The following P2RX4 variants were observed in gnomAD, a reference collection of about 807,000 sequenced individuals.
The protein encoded by P2RX4 is P2X purinoceptor 4.
A neutral mutation model predicts 48.0 loss-of-function variants in P2RX4; 37 were observed. The ratio of observed to expected loss-of-function variants is 0.77; its 90% confidence interval spans 0.59 to 1.01. The LOEUF is 1.01. Among genes scored for constraint, P2RX4 ranks in the 50% least tolerant of loss-of-function variants. The pLI is 0.00. For missense variants in P2RX4, 501 were observed against 521.4 expected, an observed-to-expected ratio of 0.96 and a Z score of 0.38; for synonymous variants, 200 against 199.7, an observed-to-expected ratio of 1.00 and a Z score of -0.01.
At position 121,232,004 on chromosome 12, in the gene P2RX4, CAAAA is replaced by C. The variant is rs34995184; in HGVS notation, c.885-394_885-391del. On this transcript the variant is annotated intron_variant, in intron 8 of 11. Coordinates refer to ENST00000337233, the MANE Select transcript of P2RX4 (RefSeq NM_002560.3). The surrounding 1 kb of genome is among the most constrained non-coding windows in gnomAD (Gnocchi z 4.3). ...CTGGCAACAGAGGGAGACTCCATCT[CAAAA>C]AAAAAAAAAAAAAAAGTCCCTGCAC... is the stretch of plus-strand genomic sequence containing the variant. Among the ~76,000 whole-genome samples, 2 of 94,454 alleles carry C rather than the reference CAAAA, an allele frequency of 2.1e-5. No individual in the cohort carries two copies. The highest frequency in any genetic ancestry group is 4.3e-5 in the African/African-American group (1 of 23,260). 62.0% of individuals were successfully genotyped at this position (94,454 alleles called of 152,430 possible). A position where few individuals can be genotyped will look rare whatever the true frequency, so the allele number is the denominator to read the frequency against.
chr12:121,216,832 AAG>A lies in P2RX4; in HGVS notation c.135-298_135-297del, dbSNP rs1886256426. On this transcript the variant is annotated intron_variant, in intron 1 of 11. Transcript: ENST00000337233. The stretch of plus-strand genomic sequence containing the variant: ...CGAAACATCGTCTCAAAAAAAAAAA[AAG>A]AGAAAATGCTCAAATGTAATAAAGA... 5 of 636,568 alleles carry A rather than the reference AAG, an allele frequency of 7.9e-6. No homozygotes were observed. In the East Asian group the frequency reaches 1.1e-4, roughly 14 times the overall value. The allele number at this position is 636,568 out of a possible 1,614,324, so 39.4% of individuals were successfully genotyped here. A position where few individuals can be genotyped will look rare whatever the true frequency, so the allele number is the denominator to read the frequency against.
intron 1 of P2RX4, 64 bp downstream of exon 1, chr12:121,210,362 C>T (rs1885744478): frequency 7.2e-7 from 1 of 1,386,608 alleles, no homozygotes; most frequent in Non-Finnish European, 9.3e-7. Context: ...CGTGCGGCGG[C>T]TCATCCTGGC....
At chr12:121,212,840 T>TTTTTTTTG in intron 1 of P2RX4, 1 of 131,360 alleles carries the variant, frequency 7.6e-6, no homozygotes, top group Non-Finnish European at 1.6e-5. Context: ...TTTTTTTTTT[T>TTTTTTTTG]GGAGACTCAC....
chr12:121,227,630 G>A (rs992383047), intron 5 of P2RX4, among the ~76,000 whole-genome samples: 3 of 152,204 alleles, frequency 2.0e-5, no homozygotes, highest in African/African-American at 7.2e-5. Context: ...CACCGCCTTG[G>A]GGGAGAGGGC....
In P2RX4 at chr12:121,233,062, G is replaced by T; in HGVS notation, c.1110G>T (p.Lys370Asn). 1.2e-6 allele frequency: 2 copies of T among 1,613,178 alleles called. No homozygotes were observed. The highest frequency in any genetic ancestry group is 1.7e-6 in the Non-Finnish European group (2 of 1,179,252). ...AGAAAAGACTCTACTATCGGGAGAA[G>T]AAATATAAATATGTGGAAGATTACG... is the stretch of plus-strand genomic sequence containing the variant. ...CMKKRLYYRE[K>N]KYKYVEDYEQ... The change falls in exon 11 of 12, where the codon AAG (lysine) becomes AAT (asparagine). Residue 370 changes from lysine to asparagine, a missense_variant. Coordinates refer to ENST00000337233, the MANE Select transcript of P2RX4 (RefSeq NM_002560.3).
At chr12:121,224,763 G>A (rs1291181434) in intron 5 of P2RX4, among the ~76,000 whole-genome samples, 1 of 152,052 alleles carries the variant, frequency 6.6e-6, no homozygotes, top group Non-Finnish European at 1.5e-5. Context: ...GCAGCCTAGG[G>A]CCTTTCTCAC....
chr12:121,214,708 A>G (rs1886108279), intron 1 of P2RX4: 1 of 152,270 alleles, frequency 6.6e-6, no homozygotes, highest in Non-Finnish European at 1.5e-5. Flanking sequence ...ATGGGGGGAA[A>G]GCCCATCTCT....
Position 121,222,165 on chromosome 12 carries a change from C to T in P2RX4, c.426C>T (p.Asn142=), listed in dbSNP as rs757649990. The change falls in exon 4 of 12, where the codon AAC becomes AAT. Residue 142 remains asparagine, a splice_region_variant and synonymous_variant. Transcript: ENST00000337233. ...CTAGSAGTHS[N]GVSTGRCVAF... is the part of the protein sequence containing the mutation. ...CCGGCTCTGCCGGCACCCACAGCAA[C>T]GGTACGAGCTTGTGGCCTCCTGGGG... 2.4e-5 allele frequency: 39 copies of T among 1,609,094 alleles called. No individual in the cohort carries two copies. Among genetic ancestry groups the T allele is most frequent in the Middle Eastern group, 1.7e-4 (1 of 6,052 alleles).
intron 1 of P2RX4, chr12:121,214,215 T>C (rs552787315): frequency 2.6e-5 from 4 of 151,922 alleles, no homozygotes; most frequent in African/African-American, 9.6e-5. Flanking sequence ...AAAAAAAATA[T>C]GTGGCTCGCG....
intron 2 of P2RX4, among the ~76,000 whole-genome samples, chr12:121,217,697 G>A (rs985505437): frequency 2.0e-5 from 3 of 150,516 alleles, no homozygotes; most frequent in African/African-American, 4.9e-5. Context: ...AGGCTGGGGC[G>A]GGCAGATACC....
At chr12:121,218,260 G>A (rs1007173207) in intron 2 of P2RX4, among the ~76,000 whole-genome samples, 3 of 152,128 alleles carry the variant, frequency 2.0e-5, no homozygotes, top group Admixed American at 6.5e-5. Flanking sequence ...GGCCGAGGTC[G>A]GTGTATCATG....
chr12:121,219,615 G>GGATGGATGGATGGATA (rs1341119480), intron 2 of P2RX4, among the ~76,000 whole-genome samples: 74 of 140,630 alleles, frequency 5.3e-4, no homozygotes, highest in African/African-American at 1.5e-3. Context: ...ATGGATGGAT[G>GGATGGATGGATGGATA]GATAGATAGA....
intron 2 of P2RX4, among the ~76,000 whole-genome samples, chr12:121,219,601 ATGGATGGATG>A (rs1566001776): frequency 3.6e-4 from 41 of 114,318 alleles, no homozygotes; most frequent in African/African-American, 1.2e-3. Context: ...GGATGGATGG[ATGGATGGATG>A]GATGGATAGA....
chr12:121,229,201 C>T lies in P2RX4; in HGVS notation c.884+102C>T. 3 of 1,422,290 alleles carry T rather than the reference C, an allele frequency of 2.1e-6. No individual in the cohort carries two copies. The highest frequency in any genetic ancestry group is 2.0e-6 in the Non-Finnish European group (2 of 1,015,420). The allele number at this position is 1,422,290 out of a possible 1,614,324, so 88.1% of individuals were successfully genotyped here. A position where few individuals can be genotyped will look rare whatever the true frequency, so the allele number is the denominator to read the frequency against. On this transcript the variant is annotated intron_variant, in intron 8 of 11. Coordinates refer to ENST00000337233, the MANE Select transcript of P2RX4 (RefSeq NM_002560.3). The surrounding 1 kb of genome is among the most constrained non-coding windows in gnomAD (Gnocchi z 4.6). ...TGAAGACCAGCACTCAGGCAGCACCCCAAGGGCAGGCTGCCGGTCCCCCGT... is the reference window on the plus strand; with the variant it reads ...TGAAGACCAGCACTCAGGCAGCACCTCAAGGGCAGGCTGCCGGTCCCCCGT...
intron 2 of P2RX4, among the ~76,000 whole-genome samples, chr12:121,220,879 T>C (rs1205129591): frequency 1.3e-5 from 2 of 152,202 alleles, no homozygotes. Flanking sequence ...ATCAATGTAA[T>C]GGTATCCTGT....
At position 121,232,986 on chromosome 12, in the gene P2RX4, G is replaced by A. The variant is rs960853222; in HGVS notation, c.1045-11G>A. The A allele has an allele frequency of 3.1e-6, 5 of 1,598,848 alleles. No homozygotes were observed. Among genetic ancestry groups the A allele is most frequent in the Non-Finnish European group, 4.3e-6 (5 of 1,166,320 alleles). ...GCATCCTGGCTCACTCTCACCCTATGCTAAACTCAGGCGACCGTGCTGTGT... is the reference window on the plus strand; with the variant it reads ...GCATCCTGGCTCACTCTCACCCTATACTAAACTCAGGCGACCGTGCTGTGT... On this transcript the variant is annotated splice_polypyrimidine_tract_variant and intron_variant, in intron 10 of 11. Coordinates refer to ENST00000337233, the MANE Select transcript of P2RX4 (RefSeq NM_002560.3). The surrounding 1 kb of genome is among the most constrained non-coding windows in gnomAD (Gnocchi z 4.3).
At chr12:121,212,817 TA>T (rs1447525801) in intron 1 of P2RX4, 452 of 42,186 alleles carry the variant, frequency 0.011, 2 homozygotes, top group African/African-American at 0.028. Context: ...TATATATATA[TA>T]TATATATTTT....
chr12:121,228,537 G>C lies in P2RX4; in HGVS notation c.529G>C (p.Ala177Pro), dbSNP rs1342352313. The C allele has an allele frequency of 3.7e-6, 6 of 1,610,240 alleles. No homozygotes were observed. The highest frequency in any genetic ancestry group is 2.2e-5 in the South Asian group (2 of 90,240). The change falls in exon 6 of 12, where the codon GCT becomes CCT. Residue 177 changes from alanine (A) to proline (P), a missense_variant. Ala to Pro is a conservative substitution (Grantham distance 27). This residue lies in a region of P2RX4 where 295 missense variants were observed against 275.3 expected (regional missense o/e 1.07). Coordinates refer to ENST00000337233, the MANE Select transcript of P2RX4 (RefSeq NM_002560.3). The part of the protein sequence containing the change: ...VEDDTHVPQP[A>P]FLKAAENFTL... ...AATGTTATCATTGTTTTTCAGACCT[G>C]CTTTTTTAAAGGCTGCAGAAAACTT...
chr12:121,221,879 A>G, intron 2 of P2RX4, 34 bp from the exon 3 acceptor site: 1 of 1,599,230 alleles, frequency 6.3e-7, no homozygotes, highest in Non-Finnish European at 8.6e-7. Context: ...GAGTCCTCTG[A>G]GCGTGGCTTG....
Sources: gnomAD v4.1 joint callset for allele counts (sites outside exome capture counted in the v4.1 genomes callset) on GRCh38, gnomAD v4.1.1 for gene constraint, gnomAD v4.1.1 regional missense constraint, Gnocchi (gnomAD v3.1) non-coding constraint, MANE v1.5 for transcripts, NCBI Gene and HGNC (gene_info 2026-07-23, HGNC 2026-07-21) for gene names.